TJP2: variants seen among roughly 807,000 people sequenced by gnomAD.
The protein encoded by TJP2 is Friedreich ataxia region gene X104 (tight junction protein ZO-2).
In TJP2, 91 loss-of-function variants were observed where a neutral mutation model predicts 133.1. The ratio of observed to expected loss-of-function variants is 0.68; its 90% confidence interval spans 0.58 to 0.81. The LOEUF (loss-of-function observed/expected upper bound fraction) is 0.81. TJP2 is among the 40% of genes least tolerant of loss of function. TJP2 has a pLI of 0.00. For synonymous variants in TJP2, 592 were observed against 583.4 expected (o/e 1.01, Z -0.21); for missense variants, 1,541 against 1,565.6 (o/e 0.98, Z 0.26).
At chr9:69,197,543 T>C (rs1826675990) in intron 1 of TJP2, among the ~76,000 whole-genome samples, 1 of 152,238 alleles carries the variant, frequency 6.6e-6, no homozygotes, top group Non-Finnish European at 1.5e-5. Context: ...TTCGTAATGC[T>C]CTTCTGAGAG....
rs1250403780 is a variant in TJP2, at chr9:69,221,007, T to A, written c.463T>A (p.Tyr155Asn). 1.2e-6 allele frequency: 2 copies of A among 1,611,578 alleles called. No individual in the cohort carries two copies. The highest frequency in any genetic ancestry group is 2.7e-5 in the African/African-American group (2 of 74,918). Residue 155 changes from tyrosine (Y) to asparagine (N), a missense_variant, in exon 5 of 23, where the codon TAC becomes AAC. Physicochemically the swap from Tyr to Asn is moderately radical, Grantham distance 143. Coordinates refer to ENST00000377245, the MANE Select transcript of TJP2 (RefSeq NM_004817.4). ...TGATGGCAGAAGTTTCCGGAGTGGC[T>A]ACAGCGAGAGGAGCCGGCTGAACAG... is the stretch of plus-strand genomic sequence containing the variant. ...EFDGRSFRSG[Y>N]SERSRLNSHG...
chr9:69,222,002 G>A (rs1828914556), intron 5 of TJP2, among the ~76,000 whole-genome samples: 2 of 151,248 alleles, frequency 1.3e-5, no homozygotes, highest in Non-Finnish European at 2.9e-5. Context: ...CTCCCTAGTA[G>A]CTGGGATCAC....
intron 1 of TJP2, among the ~76,000 whole-genome samples, chr9:69,148,768 C>T (rs1275247417): frequency 1.3e-5 from 2 of 152,122 alleles, no homozygotes; most frequent in African/African-American, 4.8e-5. Context: ...TGGCTACCAA[C>T]CGACAATTGA....
At chr9:69,176,489 A>G (rs1274306078) in intron 1 of TJP2, among the ~76,000 whole-genome samples, 1 of 152,234 alleles carries the variant, frequency 6.6e-6, no homozygotes, top group African/African-American at 2.4e-5. Flanking sequence ...CTTGAAGGCC[A>G]TAACGAAGCT....
intron 1 of TJP2, among the ~76,000 whole-genome samples, chr9:69,122,685 A>G (rs911766453): frequency 1.3e-5 from 2 of 152,126 alleles, no homozygotes; most frequent in Non-Finnish European, 2.9e-5. Flanking sequence ...TTTCAAGACT[A>G]TTTTGAAGTT....
intron 22 of TJP2, chr9:69,254,008 C>T: frequency 1.6e-6 from 1 of 632,596 alleles, no homozygotes; most frequent in South Asian, 1.8e-5. Context: ...CTTCCTCACT[C>T]ACCGCCGAAG....
At position 69,151,479 on chromosome 9, in the gene TJP2, T is replaced by G. The variant is rs528847535; in HGVS notation, c.-130-172T>G. Among the ~76,000 whole-genome samples, 394 of 100,728 alleles carry G rather than the reference T, an allele frequency of 3.9e-3. 3 individuals carry two copies. The highest frequency in any genetic ancestry group is 0.013 in the African/African-American group (342 of 25,524). The allele number at this position is 100,728 out of a possible 152,430, so 66.1% of individuals were successfully genotyped here. A position where few individuals can be genotyped will look rare whatever the true frequency, so the allele number is the denominator to read the frequency against. ...TGGGCAACAAGAGCAAAACTCCGTCTCAAAAAAAAAAAAAAAGGATTGTGG... is the reference window on the plus strand; with the variant it reads ...TGGGCAACAAGAGCAAAACTCCGTCGCAAAAAAAAAAAAAAAGGATTGTGG... On this transcript the variant is annotated intron_variant, in intron 1 of 5. Transcript: ENST00000423935.
intron 1 of TJP2, among the ~76,000 whole-genome samples, chr9:69,150,614 A>G (rs1052612535): frequency 3.2e-4 from 48 of 152,228 alleles, no homozygotes; most frequent in African/African-American, 1.1e-3. Context: ...ATTTTGTTCT[A>G]GCTATTTTCT....
intron 1 of TJP2, among the ~76,000 whole-genome samples, chr9:69,180,993 G>A (rs1587986786): frequency 6.6e-6 from 1 of 152,238 alleles, no homozygotes; most frequent in South Asian, 2.1e-4. Flanking sequence ...TTGATTTGGG[G>A]CAGGCTTGTT....
chr9:69,246,583 C>T, intron 17 of TJP2, 107 bp from the exon 18 acceptor site: 2 of 950,882 alleles, frequency 2.1e-6, no homozygotes, highest in Non-Finnish European at 1.7e-6. Flanking sequence ...CTTGCGTCTG[C>T]CATAGTCTTA....
At position 69,232,376 on chromosome 9, in the gene TJP2, AC is replaced by A. The variant is rs201669090; in HGVS notation, c.1672-2062del. On this transcript the variant is annotated intron_variant, in intron 11 of 22. Transcript: ENST00000377245. ...CTGATACAGGATCCTCTTCAGGCTC[AC>A]AGCAGACACGGCTAGACCCTGTAGA... 8.1e-3 allele frequency among the ~76,000 whole-genome samples: 1,235 copies of A among 152,372 alleles called. 12 individuals carry two copies. Among genetic ancestry groups the A allele is most frequent in the Middle Eastern group, 0.024 (7 of 294 alleles).
At chr9:69,156,751 C>T (rs1020404849) in intron 2 of TJP2, among the ~76,000 whole-genome samples, 5 of 151,776 alleles carry the variant, frequency 3.3e-5, no homozygotes, top group African/African-American at 9.7e-5. Context: ...GATCTCCTGA[C>T]CTCGTGATCC....
In TJP2 at chr9:69,239,919, T is replaced by C. The variant is rs745614605; in HGVS notation, c.2356-18T>C. The C allele has an allele frequency of 1.9e-5, 31 of 1,606,490 alleles. No homozygotes were observed. In the South Asian group the frequency reaches 2.9e-4, roughly 15 times the overall value. On this transcript the variant is annotated intron_variant, in intron 16 of 22. Transcript: ENST00000377245. ...CTTTATATATCCATTTCTCTAACTT[T>C]TCCCCTTTTGTAAACAGGATAAGCA...
chr9:69,230,621 A>G (rs887291378), intron 11 of TJP2, among the ~76,000 whole-genome samples: 3 of 152,300 alleles, frequency 2.0e-5, no homozygotes, highest in South Asian at 2.1e-4. Context: ...AAATTGAACA[A>G]AGGTGAGTGG....
chr9:69,211,496 T>C (rs1827910730), intron 1 of TJP2, among the ~76,000 whole-genome samples: 1 of 152,266 alleles, frequency 6.6e-6, no homozygotes. Context: ...AATTGTGGGC[T>C]CATTTCCTTG....
At chr9:69,122,783 T>C (rs1587861290) in intron 1 of TJP2, among the ~76,000 whole-genome samples, 1 of 152,152 alleles carries the variant, frequency 6.6e-6, no homozygotes, top group Non-Finnish European at 1.5e-5. Context: ...GCGAGTTCCG[T>C]AGGGAGGCCT....
rs533707557 is a variant in TJP2, at chr9:69,127,915, C to CTTTTTTTTTTTTTTT, written c.-131+6202_-131+6203insTTTTTTTTTTTTTTT. Among the ~76,000 whole-genome samples, 26 of 66,210 alleles carry CTTTTTTTTTTTTTTT rather than the reference C, an allele frequency of 3.9e-4. 4 individuals carry two copies. The highest frequency in any genetic ancestry group is 1.2e-3 in the African/African-American group (26 of 21,652). The allele number at this position is 66,210 out of a possible 152,430, so 43.4% of individuals were successfully genotyped here. A position where few individuals can be genotyped will look rare whatever the true frequency, so the allele number is the denominator to read the frequency against. On this transcript the variant is annotated intron_variant, in intron 1 of 5. Coordinates refer to the TJP2 transcript ENST00000423935. ...TGTACATTGTAGTATGTATCTGTTCCTTTTTTTTTTTTGAGTCAGGATCTT... is the reference window on the plus strand; with the variant it reads ...TGTACATTGTAGTATGTATCTGTTCCTTTTTTTTTTTTTTTTTTTTTTTTTTTGAGTCAGGATCTT...
chr9:69,226,743 C>T (rs1200737278), intron 7 of TJP2, among the ~76,000 whole-genome samples: 1 of 152,160 alleles, frequency 6.6e-6, no homozygotes, highest in Non-Finnish European at 1.5e-5. Context: ...GTGATCTGCC[C>T]GTCTTGTCCT....
chr9:69,152,620 C>G (rs1323847380), intron 2 of TJP2, among the ~76,000 whole-genome samples: 1 of 151,946 alleles, frequency 6.6e-6, no homozygotes, highest in Non-Finnish European at 1.5e-5. Flanking sequence ...AGCCTCAGAT[C>G]CTTCATCTGT....
Sources: allele counts gnomAD v4.1 joint callset (sites outside exome capture counted in the v4.1 genomes callset), GRCh38; gene constraint gnomAD v4.1.1; transcripts MANE v1.5; gene names NCBI Gene and HGNC (gene_info 2026-07-23, HGNC 2026-07-21).